TNS3: variants seen among roughly 807,000 people sequenced by gnomAD.
TNS3 encodes tensin 3, also known as tensin-3.
A neutral mutation model predicts 140.9 loss-of-function variants in TNS3; 45 were observed. That is an observed-to-expected ratio of 0.32 (90% confidence interval 0.25 to 0.41). The LOEUF is 0.41. TNS3 is among the 10% of genes least tolerant of loss of function. The pLI is 1.00. For synonymous variants in TNS3, 815 were observed against 788.4 expected, an observed-to-expected ratio of 1.03 and a Z score of -0.56; for missense variants, 1,716 against 1,906.7, an observed-to-expected ratio of 0.90 and a Z score of 1.86.
chr7:47,471,682 T>C (rs1200475324), intron 4 of TNS3, among the ~76,000 whole-genome samples: 1 of 152,214 alleles, frequency 6.6e-6, no homozygotes, highest in Non-Finnish European at 1.5e-5. Flanking sequence ...CTGCTCCATC[T>C]GAGCAGAATG....
chr7:47,437,243 T>C lies in TNS3; in HGVS notation c.201+20A>G, dbSNP rs1249137625. 1 of 1,534,546 alleles carries C rather than the reference T, an allele frequency of 6.5e-7. No homozygotes were observed. The highest frequency in any genetic ancestry group is 8.8e-7 in the Non-Finnish European group (1 of 1,139,400). On this transcript the variant is annotated intron_variant, in intron 7 of 30. Coordinates refer to ENST00000311160, the MANE Select transcript of TNS3 (RefSeq NM_022748.12). ...TTTACATTTTACAAAATGCAGAATA[T>C]AAAGGGATGAACTCTGTACCTTTGG...
chr7:47,524,469 C>A (rs1050457032), intron 2 of TNS3, among the ~76,000 whole-genome samples: 4 of 152,290 alleles, frequency 2.6e-5, no homozygotes, highest in Admixed American at 2.0e-4. Context: ...GTCCATAATG[C>A]CTGCATCCTG....
chr7:47,581,493 C>G (rs979508582), intron 1 of TNS3: 3 of 152,306 alleles, frequency 2.0e-5, no homozygotes, highest in African/African-American at 7.2e-5. Context: ...AAGCCCCTAG[C>G]TGCGCTCTCC....
At chr7:47,470,889 G>T (rs1411183548) in intron 4 of TNS3, among the ~76,000 whole-genome samples, 1 of 151,994 alleles carries the variant, frequency 6.6e-6, no homozygotes, top group Non-Finnish European at 1.5e-5. Context: ...TCAAATTCCA[G>T]CTACAAAGGG....
intron 17 of TNS3, among the ~76,000 whole-genome samples, chr7:47,363,849 G>A (rs1224291880): frequency 6.6e-6 from 1 of 152,190 alleles, no homozygotes; most frequent in African/African-American, 2.4e-5. Flanking sequence ...TTCTGGGCAT[G>A]TCATGAGCCT....
rs769277532 is a variant in TNS3, at chr7:47,304,867, G to A, written c.2787C>T (p.Thr929=). The stretch of plus-strand genomic sequence containing the variant: ...TCTGCCCAGGGCCGTTGCTGGAAAT[G>A]GTGCAGGAAGAAGCAAAAGCCTGCT... ...SFQQAFASSC[T]ISSNGPGQRR... is the part of the protein sequence containing the mutation. Residue 929 remains threonine (T), a synonymous_variant, in exon 21 of 31, where the codon ACC becomes ACT. Transcript: ENST00000311160. 7.2e-7 allele frequency: 1 copy of A among 1,392,096 alleles called. No individual in the cohort carries two copies. Among genetic ancestry groups the A allele is most frequent in the Non-Finnish European group, 9.4e-7 (1 of 1,061,402 alleles). The allele number at this position is 1,392,096 out of a possible 1,614,324, so 86.2% of individuals were successfully genotyped here.
chr7:47,344,783 G>T lies in TNS3; in HGVS notation c.2622C>A (p.Ser874Arg). 6.2e-7 allele frequency: 1 copy of T among 1,613,124 alleles called. No individual in the cohort carries two copies. The highest frequency in any genetic ancestry group is 8.5e-7 in the Non-Finnish European group (1 of 1,179,978). The change falls in exon 20 of 31, where the codon AGC becomes AGA. Residue 874 changes from serine (S) to arginine (R), a missense_variant. This residue lies in a region of TNS3 where 1,163 missense variants were observed against 1,182.1 expected (regional missense o/e 0.98). Coordinates refer to ENST00000311160, the MANE Select transcript of TNS3 (RefSeq NM_022748.12). ...GTCCTCCTTTGTGCTGACTGGCTGG[G>T]CTGCTCAGCGGGGGCTCAGGTGGGC... ...PFSPPEPPLS[S>R]PASQHKGGRE...
chr7:47,549,420 A>G (rs548798939), intron 1 of TNS3, among the ~76,000 whole-genome samples: 12 of 152,156 alleles, frequency 7.9e-5, no homozygotes, highest in African/African-American at 2.9e-4. Flanking sequence ...ACTTGAACCC[A>G]GGAGGCGGAG....
intron 20 of TNS3, among the ~76,000 whole-genome samples, chr7:47,335,296 C>T (rs1788572504): frequency 2.0e-5 from 3 of 152,284 alleles, no homozygotes; most frequent in Middle Eastern, 3.4e-3. Flanking sequence ...TGGTTGGGCC[C>T]GTCCTCATAA....
Position 47,303,137 on chromosome 7 carries a change from C to G in TNS3, c.3270G>C (p.Val1090=). ...HHSPGLQGQG[V]TLPGQPPLPE... ...GGAGGGGTGGCTGCCCGGGCAGGGT[C>G]ACACCCTGGCCCTGCAGGCCTGGAC... Residue 1090 remains valine, a synonymous_variant, in exon 22 of 31, where the codon GTG becomes GTC. Transcript: ENST00000311160. 6.2e-7 allele frequency: 1 copy of G among 1,613,948 alleles called. No homozygotes were observed. Among genetic ancestry groups the G allele is most frequent in the Non-Finnish European group, 8.5e-7 (1 of 1,179,942 alleles).
chr7:47,569,556 A>G (rs1052423490), intron 1 of TNS3, among the ~76,000 whole-genome samples: 1 of 146,754 alleles, frequency 6.8e-6, no homozygotes, highest in Non-Finnish European at 1.5e-5. Context: ...ACACACATAC[A>G]TACATATTAC....
chr7:47,400,579 C>T (rs1223469190), intron 14 of TNS3, 121 bp from the exon 15 acceptor site: 3 of 1,252,510 alleles, frequency 2.4e-6, no homozygotes, highest in Non-Finnish European at 3.4e-6. Flanking sequence ...TAAAGACACC[C>T]CATGATACAG....
chr7:47,531,783 GT>G (rs980228870), intron 1 of TNS3, among the ~76,000 whole-genome samples: 2 of 152,170 alleles, frequency 1.3e-5, no homozygotes, highest in African/African-American at 4.8e-5. Context: ...CCCCTTCTGA[GT>G]TGGGGTGGGA....
chr7:47,414,989 GC>G, intron 11 of TNS3, 104 bp downstream of exon 11: 1 of 790,450 alleles, frequency 1.3e-6, no homozygotes, highest in African/African-American at 1.8e-5. Flanking sequence ...CAGATCCTGG[GC>G]CCTCTCGGAA....
intron 1 of TNS3, among the ~76,000 whole-genome samples, chr7:47,568,958 T>C (rs1036909084): frequency 6.6e-6 from 1 of 152,238 alleles, no homozygotes; most frequent in Non-Finnish European, 1.5e-5. Context: ...AAGCCCACAG[T>C]ATTCACAGCG....
chr7:47,467,491 C>G (rs2964942), intron 4 of TNS3, among the ~76,000 whole-genome samples: 41,973 of 152,000 alleles, frequency 0.28, 6,078 homozygotes, highest in Middle Eastern at 0.31. Context: ...TATAAATGCA[C>G]CAGGAGAATG....
intron 1 of TNS3, among the ~76,000 whole-genome samples, chr7:47,542,683 C>A (rs1164632434): frequency 6.6e-6 from 1 of 152,106 alleles, no homozygotes; most frequent in African/African-American, 2.4e-5. Context: ...GTAATCCCAA[C>A]ACTTTGGGAG....
chr7:47,352,207 C>T (rs1200489338), intron 17 of TNS3, among the ~76,000 whole-genome samples: 1 of 152,134 alleles, frequency 6.6e-6, no homozygotes, highest in Non-Finnish European at 1.5e-5. Flanking sequence ...CACACTCATG[C>T]TCTCACACTT....
chr7:47,480,348 C>A (rs997443422), intron 4 of TNS3, among the ~76,000 whole-genome samples: 1 of 152,238 alleles, frequency 6.6e-6, no homozygotes, highest in Non-Finnish European at 1.5e-5. Flanking sequence ...CAGACCTGCA[C>A]ACACTTCCCC....
Sources: allele counts gnomAD v4.1 joint callset (sites outside exome capture counted in the v4.1 genomes callset), GRCh38; gene constraint gnomAD v4.1.1; regional missense constraint gnomAD v4.1.1; transcripts MANE v1.5; gene names NCBI Gene and HGNC (gene_info 2026-07-23, HGNC 2026-07-21).